Variants in BBS9 observed in about 807,000 individuals in gnomAD.
The protein encoded by BBS9 is Bardet-Biedl syndrome 9, also known as protein PTHB1.
In BBS9, 89 loss-of-function variants were observed where a neutral mutation model predicts 117.7. That is an observed-to-expected ratio of 0.76 (90% CI 0.64 to 0.90). The LOEUF (loss-of-function observed/expected upper bound fraction) is 0.90. Ranked by LOEUF, BBS9 falls within the 40% of genes least tolerant of loss-of-function variation. The probability of loss-of-function intolerance (pLI) is 0.00; values close to 1 mark genes in which losing one functional copy is unlikely to be tolerated. For missense variants in BBS9, 982 were observed against 1,042.2 expected, an observed-to-expected ratio of 0.94 and a Z score of 0.80; for synonymous variants, 379 against 370.9, an observed-to-expected ratio of 1.02 and a Z score of -0.25.
chr7:33,247,502 C>G lies in BBS9; in HGVS notation c.443-9734C>G, dbSNP rs1226359679. Among the ~76,000 whole-genome samples, 4 of 152,062 alleles carry G rather than the reference C, an allele frequency of 2.6e-5. No homozygotes were observed. In the East Asian group the frequency reaches 7.7e-4, roughly 29 times the overall value. On this transcript the variant is annotated intron_variant, in intron 5 of 22. Transcript: ENST00000242067. ...CCCACCTCTTTTTAAATCCATGTCT[C>G]GATGCATGGTGTTCCATCTGCTTTT...
At chr7:33,184,660 G>A (rs910858202) in intron 5 of BBS9, among the ~76,000 whole-genome samples, 1 of 152,134 alleles carries the variant, frequency 6.6e-6, no homozygotes, top group Non-Finnish European at 1.5e-5. Context: ...TCTGCATTCT[G>A]TTTCCTTTGG....
chr7:33,526,601 G>C (rs1849541303), intron 20 of BBS9, among the ~76,000 whole-genome samples: 1 of 149,342 alleles, frequency 6.7e-6, no homozygotes. Flanking sequence ...AGCTCCATCA[G>C]CTCCTTTAAG....
At chr7:33,232,368 G>A (rs537588260) in intron 5 of BBS9, among the ~76,000 whole-genome samples, 2 of 152,156 alleles carry the variant, frequency 1.3e-5, no homozygotes, top group Non-Finnish European at 2.9e-5. Context: ...TAATACTAAA[G>A]TTTAGATATA....
intron 21 of BBS9, among the ~76,000 whole-genome samples, chr7:33,616,167 T>G (rs1865118504): frequency 1.3e-5 from 2 of 150,460 alleles, no homozygotes; most frequent in Non-Finnish European, 3.0e-5. Context: ...TTATTAGTTT[T>G]GATTGATCTA....
intron 9 of BBS9, among the ~76,000 whole-genome samples, chr7:33,282,106 G>A (rs1489050455): frequency 1.3e-5 from 2 of 152,112 alleles, no homozygotes; most frequent in Non-Finnish European, 2.9e-5. Flanking sequence ...GAGCTACCAT[G>A]CCTGGCCCCT....
chr7:33,351,760 A>G (rs1818692385), intron 14 of BBS9, among the ~76,000 whole-genome samples: 1 of 152,164 alleles, frequency 6.6e-6, no homozygotes, highest in South Asian at 2.1e-4. Flanking sequence ...CACCTCACAA[A>G]TTGAATACCA....
chr7:33,584,330 CTTA>C (rs1325671233), intron 21 of BBS9, among the ~76,000 whole-genome samples: 1 of 151,824 alleles, frequency 6.6e-6, no homozygotes, highest in African/African-American at 2.4e-5. Context: ...TCTAAAATAT[CTTA>C]TTATACTGCT....
chr7:33,257,516 G>A (rs984076635), intron 6 of BBS9, 106 bp downstream of exon 6: 27 of 1,023,032 alleles, frequency 2.6e-5, no homozygotes, highest in Middle Eastern at 5.1e-4. Flanking sequence ...AAAAGAGATC[G>A]GTTTCTTTGA....
intron 13 of BBS9, among the ~76,000 whole-genome samples, chr7:33,350,222 A>T (rs79184797): frequency 1.3e-5 from 2 of 152,146 alleles, no homozygotes; most frequent in South Asian, 4.1e-4. Flanking sequence ...AGTCAAGAAC[A>T]TATCTTTCTT....
intron 19 of BBS9, among the ~76,000 whole-genome samples, chr7:33,502,372 G>A (rs903044842): frequency 6.6e-6 from 1 of 152,118 alleles, no homozygotes; most frequent in African/African-American, 2.4e-5. Context: ...GGCTACCAAT[G>A]TGAGGTCCCT....
chr7:33,192,255 T>C (rs1187112379), intron 5 of BBS9, among the ~76,000 whole-genome samples: 1 of 152,216 alleles, frequency 6.6e-6, no homozygotes, highest in Non-Finnish European at 1.5e-5. Flanking sequence ...AGTAATTTAT[T>C]CAATATTGGT....
intron 5 of BBS9, among the ~76,000 whole-genome samples, chr7:33,252,345 A>G (rs945143374): frequency 6.6e-6 from 1 of 151,892 alleles, no homozygotes. Flanking sequence ...ATATGCTAAC[A>G]GGCCAGGTTT....
intron 2 of BBS9, among the ~76,000 whole-genome samples, chr7:33,146,716 AAAG>A (rs1163672828): frequency 8.7e-5 from 13 of 149,184 alleles, no homozygotes; most frequent in African/African-American, 2.7e-4. Context: ...AAAAAAAAAA[AAAG>A]AGATAAAAAT....
rs891295121 is a variant in BBS9, at chr7:33,410,650, C to T, written c.2115+22506C>T. ...CCTTCTTGTCTCAAAGGATCAGGTA[C>T]GTTATTTCTCTTTAAGATCAACCCT... On this transcript the variant is annotated intron_variant, in intron 19 of 22. Transcript: ENST00000242067. Among the ~76,000 whole-genome samples the T allele has an allele frequency of 2.3e-4, 35 of 152,254 alleles. No individual in the cohort carries two copies. In the South Asian group the frequency reaches 4.4e-3, roughly 19 times the overall value.
chr7:33,269,644 C>T lies in BBS9; in HGVS notation c.703-3368C>T, dbSNP rs559308375. ...GAGCTGCACTTTCAGAGCATTGATA[C>T]GGAACATGATGGCAACCATTGCAGT... On this transcript the variant is annotated intron_variant, in intron 7 of 22. Transcript: ENST00000242067. Among the ~76,000 whole-genome samples, 17 of 151,152 alleles carry T rather than the reference C, an allele frequency of 1.1e-4. 1 individual carries two copies. The highest frequency in any genetic ancestry group is 3.3e-4 in the Admixed American group (5 of 15,114).
rs1035509968 is a variant in BBS9 at position 33,387,921 on chromosome 7, T to C, written c.1963-71T>C. 1.1e-5 allele frequency: 16 copies of C among 1,486,196 alleles called. No individual in the cohort carries two copies. In the South Asian group the frequency reaches 1.8e-4, roughly 17 times the overall value. 92.1% of individuals were successfully genotyped at this position (1,486,196 alleles called of 1,614,324 possible). A position where few individuals can be genotyped will look rare whatever the true frequency, so the allele number is the denominator to read the frequency against. ...ATTACTCTTTTACTTTTATTATCAT[T>C]GTGTGTATTTTTTCTTTAAAGATGT... is the stretch of plus-strand genomic sequence containing the variant. On this transcript the variant is annotated intron_variant, in intron 18 of 22. Coordinates refer to ENST00000242067, the MANE Select transcript of BBS9 (RefSeq NM_198428.3).
At chr7:33,237,445 A>G (rs554263509) in intron 5 of BBS9, among the ~76,000 whole-genome samples, 2 of 152,318 alleles carry the variant, frequency 1.3e-5, no homozygotes, top group East Asian at 1.9e-4. Flanking sequence ...ACTCTGCCTT[A>G]GTATATGCCT....
chr7:33,367,562 T>C (rs962815806), intron 16 of BBS9, among the ~76,000 whole-genome samples: 1 of 152,216 alleles, frequency 6.6e-6, no homozygotes, highest in African/African-American at 2.4e-5. Context: ...TGAAATTAAA[T>C]GACTCCAGAG....
intron 7 of BBS9, among the ~76,000 whole-genome samples, chr7:33,270,021 CAAA>C (rs148600222): frequency 4.0e-5 from 5 of 124,752 alleles, no homozygotes; most frequent in Non-Finnish European, 5.1e-5. Context: ...GACTCTGTCT[CAAA>C]AAAAAAAAAA....
Sources: gnomAD v4.1 joint callset for allele counts (sites outside exome capture counted in the v4.1 genomes callset) on GRCh38, gnomAD v4.1.1 for gene constraint, MANE v1.5 for transcripts, NCBI Gene and HGNC (gene_info 2026-07-23, HGNC 2026-07-21) for gene names.